SLC43A2: variants seen among roughly 807,000 people sequenced by gnomAD.
SLC43A2 encodes large neutral amino acids transporter small subunit 4.
A neutral mutation model predicts 63.2 loss-of-function variants in SLC43A2; 38 were observed. The ratio of observed to expected loss-of-function variants is 0.60; its 90% CI spans 0.46 to 0.79. The LOEUF is 0.79. Ranked by LOEUF, SLC43A2 falls within the 30% of genes least tolerant of loss-of-function variation. The pLI is 0.00. For missense variants in SLC43A2, 644 were observed against 756.2 expected, an observed-to-expected ratio of 0.85 and a Z score of 1.74; for synonymous variants, 322 against 331.0, an observed-to-expected ratio of 0.97 and a Z score of 0.30.
At chr17:1,614,853 T>A in intron 4 of SLC43A2, 126 bp downstream of exon 4, 1 of 901,730 alleles carries the variant, frequency 1.1e-6, no homozygotes, top group Non-Finnish European at 1.8e-6. Flanking sequence ...GCGTAACAGG[T>A]GTCCCCTCTA....
intron 5 of SLC43A2, among the ~76,000 whole-genome samples, chr17:1,594,781 G>T (rs1396450557): frequency 6.6e-6 from 1 of 151,422 alleles, no homozygotes; most frequent in African/African-American, 2.4e-5. Flanking sequence ...GTAGAGACGG[G>T]GTTTCACCAC....
chr17:1,611,797 T>A (rs1400018173), intron 5 of SLC43A2, among the ~76,000 whole-genome samples: 1 of 152,150 alleles, frequency 6.6e-6, no homozygotes, highest in African/African-American at 2.4e-5. Context: ...ACCGGTAAAC[T>A]GATGCAGGCG....
chr17:1,586,564 A>G (rs1377607274), intron 9 of SLC43A2, among the ~76,000 whole-genome samples: 5 of 152,186 alleles, frequency 3.3e-5, no homozygotes, highest in Non-Finnish European at 7.4e-5. Context: ...GCGTGGTGGC[A>G]GGCACCTGTA....
chr17:1,617,759 C>T (rs150140534), intron 2 of SLC43A2, among the ~76,000 whole-genome samples: 36 of 152,318 alleles, frequency 2.4e-4, no homozygotes, highest in Middle Eastern at 3.4e-3. Flanking sequence ...GCCTAGACCT[C>T]GCTGGGTGCT....
At chr17:1,591,739 G>GGCGGGGGCC in intron 6 of SLC43A2, 40 bp from the exon 7 acceptor site, 1 of 512,310 alleles carries the variant, frequency 2.0e-6, no homozygotes, top group Non-Finnish European at 3.9e-6. Context: ...GGGGGAGGGG[G>GGCGGGGGCC]CAGAGTTAGC....
intron 2 of SLC43A2, among the ~76,000 whole-genome samples, chr17:1,620,779 C>G (rs1408001803): frequency 6.6e-6 from 1 of 152,112 alleles, no homozygotes; most frequent in Non-Finnish European, 1.5e-5. Flanking sequence ...GATGCCCAAA[C>G]AGACACACCC....
chr17:1,611,636 A>G (rs1026896730), intron 5 of SLC43A2, among the ~76,000 whole-genome samples: 27 of 151,866 alleles, frequency 1.8e-4, no homozygotes, highest in African/African-American at 6.3e-4. Flanking sequence ...TCAAAAAAAA[A>G]AAAAAGAAAA....
At chr17:1,589,473 C>T (rs754981655) in intron 9 of SLC43A2, among the ~76,000 whole-genome samples, 9 of 152,078 alleles carry the variant, frequency 5.9e-5, no homozygotes, top group East Asian at 1.9e-4. Flanking sequence ...GGTGTGGTGG[C>T]GCGCACCTGG....
At chr17:1,619,784 G>A (rs1907986650) in intron 2 of SLC43A2, among the ~76,000 whole-genome samples, 1 of 152,220 alleles carries the variant, frequency 6.6e-6, no homozygotes, top group South Asian at 2.1e-4. Flanking sequence ...ATGCAGATAG[G>A]AGCAAACCAG....
intron 5 of SLC43A2, among the ~76,000 whole-genome samples, chr17:1,612,593 G>A (rs761384262): frequency 1.3e-5 from 2 of 152,366 alleles, no homozygotes; most frequent in Non-Finnish European, 2.9e-5. Context: ...GAAAGTGGGC[G>A]GCAGCGTTTT....
intron 5 of SLC43A2, chr17:1,603,161 C>T (rs1397018222): frequency 6.6e-6 from 1 of 152,162 alleles, no homozygotes; most frequent in African/African-American, 2.4e-5. Context: ...CAAGCTGCTC[C>T]TGGGCATAGC....
intron 9 of SLC43A2, chr17:1,586,963 G>A: frequency 8.1e-7 from 1 of 1,230,042 alleles, no homozygotes; most frequent in Non-Finnish European, 1.1e-6. Context: ...GGCCATCACT[G>A]CATCAAGAAA....
At chr17:1,614,553 G>A (rs1907418513) in intron 4 of SLC43A2, among the ~76,000 whole-genome samples, 1 of 152,214 alleles carries the variant, frequency 6.6e-6, no homozygotes, top group Admixed American at 6.5e-5. Context: ...CTCTTTTGGT[G>A]TTTGCTCTAC....
chr17:1,579,659 G>C (rs1326449866), intron 11 of SLC43A2, among the ~76,000 whole-genome samples: 1 of 151,610 alleles, frequency 6.6e-6, no homozygotes, highest in Non-Finnish European at 1.5e-5. Flanking sequence ...AACATGTCAA[G>C]ACCCCATCTC....
At chr17:1,604,193 AC>A (rs1906357644) in intron 5 of SLC43A2, among the ~76,000 whole-genome samples, 4 of 2,698 alleles carry the variant, frequency 1.5e-3, no homozygotes, top group African/African-American at 1.7e-3. Context: ...GGCATGTGCC[AC>A]TACGCCACGA....
Position 1,583,325 on chromosome 17 carries a change from T to C in SLC43A2, c.1229A>G (p.Lys410Arg), listed in dbSNP as rs761641053. 1 of 1,614,194 alleles carries C rather than the reference T, an allele frequency of 6.2e-7. No individual in the cohort carries two copies. The highest frequency in any genetic ancestry group is 8.5e-7 in the Non-Finnish European group (1 of 1,180,022). The change falls in exon 11 of 14, where the codon AAA becomes AGA. Residue 410 changes from lysine (K) to arginine (R), a missense_variant. Lys to Arg is a conservative substitution (Grantham distance 26, BLOSUM62 2). Transcript: ENST00000301335. The surrounding 1 kb of genome is among the most constrained non-coding windows in gnomAD (Gnocchi z 5.5). Reference sequence around the variant, plus strand: ...GATCTGCCGGTCCCGCTTCTTCTTTTTCTTCTCGCCTCTGTGGAGACACAG... The same window carrying C: ...GATCTGCCGGTCCCGCTTCTTCTTTCTCTTCTCGCCTCTGTGGAGACACAG... ...EEKDANQGEKKKKKRDRQIQK... is the reference protein window; with the variant it reads ...EEKDANQGEKRKKKRDRQIQK...
chr17:1,590,332 G>C (rs140067667), intron 9 of SLC43A2, among the ~76,000 whole-genome samples: 340 of 152,190 alleles, frequency 2.2e-3, no homozygotes, highest in South Asian at 7.7e-3. Context: ...CTGTTTCTCG[G>C]TGAGGGATGC....
chr17:1,628,037 C>T, intron 1 of SLC43A2, 117 bp from the exon 2 acceptor site: 1 of 1,064,178 alleles, frequency 9.4e-7, no homozygotes, highest in Non-Finnish European at 1.2e-6. Flanking sequence ...GCCGCGGCGG[C>T]CGGTGCGCGC....
At chr17:1,579,806 G>A (rs1022222938) in intron 11 of SLC43A2, among the ~76,000 whole-genome samples, 2 of 151,966 alleles carry the variant, frequency 1.3e-5, no homozygotes, top group African/African-American at 4.8e-5. Flanking sequence ...CACTGCACTC[G>A]AGCCTGGCTG....
Sources: allele counts gnomAD v4.1 joint callset (sites outside exome capture counted in the v4.1 genomes callset), GRCh38; gene constraint gnomAD v4.1.1; non-coding constraint Gnocchi (gnomAD v3.1); transcripts MANE v1.5; gene names NCBI Gene and HGNC (gene_info 2026-07-23, HGNC 2026-07-21).